Variants in ZFC3H1 observed in about 807,000 individuals in gnomAD.
The protein encoded by ZFC3H1 is zinc finger C3H1-type containing.
Under a neutral mutation model 243.7 loss-of-function variants are expected in ZFC3H1, and 71 were observed. The ratio of observed to expected loss-of-function variants is 0.29; its 90% CI spans 0.24 to 0.36. The LOEUF (loss-of-function observed/expected upper bound fraction) is 0.36, where lower values mean the gene tolerates loss of function less well. ZFC3H1 is among the 10% of genes least tolerant of loss of function. ZFC3H1 has a pLI of 1.00. For synonymous variants in ZFC3H1, 838 were observed against 813.0 expected (o/e 1.03, Z -0.52); for missense variants, 1,966 against 2,317.1 (o/e 0.85, Z 3.11).
intron 3 of ZFC3H1, among the ~76,000 whole-genome samples, chr12:71,646,461 C>T (rs1880732638): frequency 6.6e-6 from 1 of 152,180 alleles, no homozygotes. Flanking sequence ...TTCATAGCCA[C>T]ATGTAGCTAA....
Position 71,619,277 on chromosome 12 carries a change from C to T in ZFC3H1, c.5144+38G>A, listed in dbSNP as rs774314872. On this transcript the variant is annotated intron_variant, in intron 27 of 34. Transcript: ENST00000378743. ...TAATCTTTCTACTGAACTGTGCTCT[C>T]TCTCATTCCTCTACAAACTAAGAAT... 6 of 1,583,228 alleles carry T rather than the reference C, an allele frequency of 3.8e-6. No homozygotes were observed. In the East Asian group the frequency reaches 9.0e-5, roughly 24 times the overall value.
chr12:71,634,862 T>A (rs1236654972), intron 10 of ZFC3H1, 37 bp from the exon 11 acceptor site: 7 of 1,565,334 alleles, frequency 4.5e-6, no homozygotes, highest in Non-Finnish European at 6.0e-6. Flanking sequence ...AACTAGATCA[T>A]CAGCTTTCCA....
intron 21 of ZFC3H1, among the ~76,000 whole-genome samples, chr12:71,627,122 C>T (rs113203459): frequency 0.12 from 13,567 of 111,344 alleles, 680 homozygotes; most frequent in African/African-American, 0.14. Flanking sequence ...TTCAAAGAAA[C>T]GTGTAAAAAA....
intron 21 of ZFC3H1, among the ~76,000 whole-genome samples, chr12:71,627,447 A>G (rs1434656122): frequency 1.3e-5 from 2 of 152,170 alleles, no homozygotes; most frequent in Non-Finnish European, 2.9e-5. Flanking sequence ...TTAAAAAACA[A>G]TCAACCATTC....
intron 3 of ZFC3H1, among the ~76,000 whole-genome samples, chr12:71,646,848 C>T (rs1215410240): frequency 3.9e-5 from 6 of 152,220 alleles, no homozygotes; most frequent in Admixed American, 1.3e-4. Context: ...GCTACTTGAA[C>T]AGCAAGAGCA....
rs1320761837 is a variant in ZFC3H1, at chr12:71,630,740, C to T, written c.3603-19G>A. 1 of 1,603,230 alleles carries T rather than the reference C, an allele frequency of 6.2e-7. No homozygotes were observed. Among genetic ancestry groups the T allele is most frequent in the South Asian group, 1.1e-5 (1 of 88,314 alleles). On this transcript the variant is annotated intron_variant, in intron 17 of 34. Transcript: ENST00000378743. The stretch of plus-strand genomic sequence containing the variant: ...ATGCTGCCTAAGATAAAAAAAAACA[C>T]AGAAAAGATAATCATGTACATATCA...
intron 10 of ZFC3H1, 124 bp downstream of exon 10, chr12:71,635,319 A>T (rs1565816365): frequency 2.4e-6 from 3 of 1,273,754 alleles, no homozygotes; most frequent in East Asian, 5.7e-5. Flanking sequence ...CAAATACTTA[A>T]AATATTTCCA....
intron 32 of ZFC3H1, 126 bp downstream of exon 32, chr12:71,611,660 G>GAAA (rs35052856): frequency 1.3e-4 from 14 of 107,446 alleles, no homozygotes; most frequent in African/African-American, 2.2e-4. Flanking sequence ...ATCTGTCCAG[G>GAAA]AAAAAAAAAA....
At chr12:71,647,549 A>T (rs1336029404) in intron 3 of ZFC3H1, among the ~76,000 whole-genome samples, 200 bp downstream of exon 3, 1 of 152,230 alleles carries the variant, frequency 6.6e-6, no homozygotes, top group Non-Finnish European at 1.5e-5. Flanking sequence ...CTTTAATTAA[A>T]CATAATTTGC....
Position 71,610,746 on chromosome 12 carries a change from T to C in ZFC3H1, c.5781A>G (p.Leu1927=), listed in dbSNP as rs751060461. Reference sequence around the variant, plus strand: ...GTAACTTCTGTAAGGCTCTCTGATATAAACGGTGGACCTGTAAGATAGATA... The same window carrying C: ...GTAACTTCTGTAAGGCTCTCTGATACAAACGGTGGACCTGTAAGATAGATA... ...VLKGQREVHR[L]YQRALQKLPL... Residue 1927 remains leucine, a synonymous_variant, in exon 34 of 35, where the codon TTA becomes TTG. Coordinates refer to ENST00000378743, the MANE Select transcript of ZFC3H1 (RefSeq NM_144982.5). The C allele has an allele frequency of 1.2e-6, 2 of 1,613,138 alleles. No individual in the cohort carries two copies. The highest frequency in any genetic ancestry group is 1.7e-6 in the Non-Finnish European group (2 of 1,179,556).
chr12:71,647,880 T>C, intron 2 of ZFC3H1, 67 bp from the exon 3 acceptor site: 1 of 604,740 alleles, frequency 1.7e-6, no homozygotes, highest in South Asian at 2.4e-5. Flanking sequence ...AAAATAATCC[T>C]ATATAATATC....
chr12:71,631,926 C>T lies in ZFC3H1; in HGVS notation c.3361-39G>A, dbSNP rs372991527. ...TAATAATTCTGTAAGGCAAATAAGG[C>T]TGGGTGAATTCCAGATTTTAAAGAA... On this transcript the variant is annotated intron_variant, in intron 15 of 34. Coordinates refer to ENST00000378743, the MANE Select transcript of ZFC3H1 (RefSeq NM_144982.5). The T allele has an allele frequency of 8.1e-6, 13 of 1,605,692 alleles. No homozygotes were observed. The African/African-American group carries it at 1.5e-4, about 18-fold the overall frequency.
chr12:71,628,362 T>C (rs1880225122), intron 20 of ZFC3H1, among the ~76,000 whole-genome samples: 2 of 152,256 alleles, frequency 1.3e-5, no homozygotes, highest in Admixed American at 1.3e-4. Flanking sequence ...GTTACGTTAG[T>C]GTAAATAAGT....
At position 71,630,629 on chromosome 12, in the gene ZFC3H1, C is replaced by T. The variant is rs1203676042; in HGVS notation, c.3695G>A (p.Ser1232Asn). The T allele has an allele frequency of 6.2e-7, 1 of 1,611,476 alleles. No homozygotes were observed. The highest frequency in any genetic ancestry group is 8.5e-7 in the Non-Finnish European group (1 of 1,179,212). Reference protein sequence around the residue: ...NLSLIGCAETSTNEEITASAE... With the variant: ...NLSLIGCAETNTNEEITASAE... ...TGAAGCAGTAATTTCTTCATTAGTA[C>T]TTGTCTCTGCACAACCAATCAAAGA... is the stretch of plus-strand genomic sequence containing the variant. Residue 1232 changes from serine to asparagine, a missense_variant, in exon 18 of 35, where the codon AGT becomes AAT. Ser to Asn is a conservative substitution (Grantham distance 46). Transcript: ENST00000378743.
chr12:71,616,221 C>T lies in ZFC3H1; in HGVS notation c.5145-905G>A, dbSNP rs138966447. On this transcript the variant is annotated intron_variant, in intron 27 of 34. Transcript: ENST00000378743. ...CTGAGGTGGGAGAATAGCTTGAACT[C>T]AGGAGGCAGAGGTTACAGTGAGCTG... is the stretch of plus-strand genomic sequence containing the variant. Among the ~76,000 whole-genome samples, 59 of 152,216 alleles carry T rather than the reference C, an allele frequency of 3.9e-4. No homozygotes were observed. The East Asian group carries it at 9.9e-3, about 25-fold the overall frequency.
chr12:71,619,221 T>C, intron 27 of ZFC3H1, 94 bp downstream of exon 27: 33 of 1,106,728 alleles, frequency 3.0e-5, no homozygotes, highest in Non-Finnish European at 4.1e-5. Context: ...AAAAAGTCAG[T>C]CTAAAATGTC....
chr12:71,611,361 C>A (rs1408061431), intron 32 of ZFC3H1: 5 of 259,424 alleles, frequency 1.9e-5, no homozygotes, highest in Admixed American at 5.4e-5. Context: ...AAAAAAACAA[C>A]AACAACAACA....
At chr12:71,610,850 A>AC in intron 33 of ZFC3H1, 93 bp from the exon 34 acceptor site, 1 of 1,438,402 alleles carries the variant, frequency 7.0e-7, no homozygotes, top group Non-Finnish European at 9.6e-7. Flanking sequence ...ATTCACAATA[A>AC]CATCTGAGAC....
chr12:71,611,226 AG>A (rs1415959410), intron 32 of ZFC3H1, 129 bp from the exon 33 acceptor site: 3 of 937,548 alleles, frequency 3.2e-6, no homozygotes, highest in Non-Finnish European at 4.3e-6. Flanking sequence ...ACTTCCTGAA[AG>A]TTAACAGGCT....
Sources: gnomAD v4.1 joint callset for allele counts (sites outside exome capture counted in the v4.1 genomes callset) on GRCh38, gnomAD v4.1.1 for gene constraint, MANE v1.5 for transcripts, NCBI Gene and HGNC (gene_info 2026-07-23, HGNC 2026-07-21) for gene names.